LRRC4C: variants seen among roughly 807,000 people sequenced by gnomAD.
LRRC4C encodes the protein leucine-rich repeat-containing protein 4C.
In LRRC4C, 5 loss-of-function variants were observed where a neutral mutation model predicts 33.6. The ratio of observed to expected loss-of-function variants is 0.15; its 90% confidence interval spans 0.08 to 0.31. The LOEUF is 0.31. Among genes scored for constraint, LRRC4C ranks in the 10% least tolerant of loss-of-function variants. The probability of loss-of-function intolerance (pLI) is 1.00; values close to 1 mark genes in which losing one functional copy is unlikely to be tolerated. For synonymous variants in LRRC4C, 329 were observed against 302.0 expected (o/e 1.09, Z -0.93); for missense variants, 560 against 796.7 (o/e 0.70, Z 3.58).
intron 4 of LRRC4C, among the ~76,000 whole-genome samples, chr11:40,263,370 T>C (rs1183900814): frequency 2.0e-5 from 3 of 152,168 alleles, no homozygotes; most frequent in African/African-American, 7.2e-5. Flanking sequence ...TGAAAAACTA[T>C]ACATTATCTT....
chr11:41,007,578 A>G (rs898303473), intron 1 of LRRC4C, among the ~76,000 whole-genome samples: 1 of 152,170 alleles, frequency 6.6e-6, no homozygotes, highest in Non-Finnish European at 1.5e-5. Context: ...ATGTACAAAG[A>G]TGACCGTGGT....
intron 1 of LRRC4C, among the ~76,000 whole-genome samples, chr11:40,994,310 A>G (rs761018347): frequency 3.9e-4 from 59 of 152,116 alleles, no homozygotes; most frequent in Non-Finnish European, 7.1e-4. Flanking sequence ...GTGCAACATG[A>G]TATCTGTGGC....
chr11:41,190,872 C>T (rs1302894332), intron 1 of LRRC4C, among the ~76,000 whole-genome samples: 3 of 152,098 alleles, frequency 2.0e-5, no homozygotes, highest in African/African-American at 4.8e-5. Context: ...GTCACTCGTT[C>T]GGCTCCTTAG....
At chr11:41,102,111 G>T (rs527268285) in intron 1 of LRRC4C, among the ~76,000 whole-genome samples, 2 of 151,508 alleles carry the variant, frequency 1.3e-5, no homozygotes, top group African/African-American at 2.4e-5. Context: ...TAACAAACCC[G>T]TACATGTACC....
At chr11:40,720,340 A>T (rs568468557) in intron 2 of LRRC4C, among the ~76,000 whole-genome samples, 23 of 152,310 alleles carry the variant, frequency 1.5e-4, no homozygotes, top group South Asian at 1.0e-3. Flanking sequence ...AAAAGACTGG[A>T]TTTCTACTGT....
At chr11:40,204,140 A>T (rs1311782391) in intron 5 of LRRC4C, among the ~76,000 whole-genome samples, 2 of 152,092 alleles carry the variant, frequency 1.3e-5, no homozygotes, top group Non-Finnish European at 2.9e-5. Context: ...TTACTTACCC[A>T]GGCTGGTCTG....
chr11:41,428,439 C>A (rs1401904513), intron 1 of LRRC4C, among the ~76,000 whole-genome samples: 1 of 152,020 alleles, frequency 6.6e-6, no homozygotes, highest in African/African-American at 2.4e-5. Context: ...GACAAAAAAA[C>A]GTATTTTTTT....
intron 1 of LRRC4C, among the ~76,000 whole-genome samples, chr11:41,196,871 TC>T (rs1946200652): frequency 6.6e-6 from 1 of 152,062 alleles, no homozygotes; most frequent in African/African-American, 2.4e-5. Context: ...TAACTCCTGT[TC>T]CCAACTTTCT....
At chr11:40,917,174 T>A (rs1175052246) in intron 2 of LRRC4C, among the ~76,000 whole-genome samples, 5 of 152,144 alleles carry the variant, frequency 3.3e-5, no homozygotes, top group Non-Finnish European at 7.4e-5. Context: ...AATTTTCATT[T>A]GTAAGTTCCA....
At chr11:40,957,055 C>T (rs1342559604) in intron 1 of LRRC4C, among the ~76,000 whole-genome samples, 1 of 151,682 alleles carries the variant, frequency 6.6e-6, no homozygotes, top group Non-Finnish European at 1.5e-5. Flanking sequence ...GGAGAGAAAA[C>T]ATGTCACAAA....
chr11:40,740,724 A>G (rs576429545), intron 2 of LRRC4C, among the ~76,000 whole-genome samples: 15 of 152,168 alleles, frequency 9.9e-5, no homozygotes, highest in African/African-American at 2.9e-4. Context: ...AATGTAATGA[A>G]GACTTTTCCC....
chr11:40,569,877 C>T (rs1056429195), intron 3 of LRRC4C, among the ~76,000 whole-genome samples: 6 of 151,784 alleles, frequency 4.0e-5, no homozygotes, highest in Admixed American at 6.6e-5. Flanking sequence ...ATACATATAG[C>T]GAAATACTAA....
At chr11:41,259,700 A>C (rs1948914835) in intron 1 of LRRC4C, among the ~76,000 whole-genome samples, 1 of 152,026 alleles carries the variant, frequency 6.6e-6, no homozygotes. Flanking sequence ...AGGCCAGTCA[A>C]ACATCCTGGG....
chr11:41,107,687 C>T (rs535769880), intron 1 of LRRC4C, among the ~76,000 whole-genome samples: 1 of 152,012 alleles, frequency 6.6e-6, no homozygotes, highest in East Asian at 1.9e-4. Flanking sequence ...ACTGTAATCC[C>T]AGCACTTTGA....
chr11:40,666,492 G>T (rs548956965), intron 2 of LRRC4C, among the ~76,000 whole-genome samples: 1 of 152,150 alleles, frequency 6.6e-6, no homozygotes, highest in African/African-American at 2.4e-5. Context: ...TTGACAAAAT[G>T]GTAACATTTG....
chr11:41,033,013 T>C (rs1856817322), intron 1 of LRRC4C, among the ~76,000 whole-genome samples: 1 of 151,262 alleles, frequency 6.6e-6, no homozygotes, highest in Admixed American at 6.6e-5. Flanking sequence ...CCATGAAACA[T>C]TACCAGCACA....
intron 1 of LRRC4C, among the ~76,000 whole-genome samples, chr11:41,432,031 C>T (rs2138429790): frequency 6.6e-6 from 1 of 152,052 alleles, no homozygotes; most frequent in African/African-American, 2.4e-5. Flanking sequence ...AGGGTGGTCA[C>T]CAGCGAGAAA....
At chr11:40,858,058 C>T (rs1319263732) in intron 2 of LRRC4C, among the ~76,000 whole-genome samples, 2 of 130,532 alleles carry the variant, frequency 1.5e-5, no homozygotes, top group East Asian at 2.3e-4. Flanking sequence ...GAAGGGAAAA[C>T]TCTAAAGCTG....
chr11:40,589,216 C>G (rs540586498), intron 3 of LRRC4C, among the ~76,000 whole-genome samples: 1 of 152,020 alleles, frequency 6.6e-6, no homozygotes, highest in African/African-American at 2.4e-5. Context: ...GAATTGATCC[C>G]TTTACCATTA....
Sources: allele counts gnomAD v4.1 joint callset (sites outside exome capture counted in the v4.1 genomes callset), GRCh38; gene constraint gnomAD v4.1.1; transcripts MANE v1.5; gene names NCBI Gene and HGNC (gene_info 2026-07-23, HGNC 2026-07-21).